Variants in CCDC102B observed in about 807,000 individuals in gnomAD.
The protein encoded by CCDC102B is coiled-coil domain-containing protein 102B.
Under a neutral mutation model 57.4 loss-of-function variants are expected in CCDC102B, and 75 were observed. The observed-to-expected ratio is 1.31, with a 90% CI of 1.08 to 1.58. CCDC102B has a LOEUF of 1.58. Among genes scored for constraint, CCDC102B ranks in the 40% most tolerant of loss-of-function variants. The probability of loss-of-function intolerance (pLI) is 0.00; values close to 1 mark genes in which losing one functional copy is unlikely to be tolerated. For synonymous variants in CCDC102B, 206 were observed against 201.9 expected (o/e 1.02, Z -0.17); for missense variants, 636 against 582.6 (o/e 1.09, Z -0.94).
intron 2 of CCDC102B, among the ~76,000 whole-genome samples, chr18:68,739,197 T>C (rs2033279486): frequency 6.6e-6 from 1 of 152,156 alleles, no homozygotes; most frequent in Non-Finnish European, 1.5e-5. Flanking sequence ...GTTTTCGCTG[T>C]GTTGGCCAGG....
rs532420147 is a variant in CCDC102B at position 69,040,382 on chromosome 18, A to G, written c.1435-13648A>G. ...ATCTATGTAGATTTAGATTAGATGC[A>G]GGGGTGTGTGTGTGTGTGTGTGTGT... On this transcript the variant is annotated intron_variant, in intron 7 of 7. Coordinates refer to ENST00000360242, the MANE Select transcript of CCDC102B (RefSeq NM_024781.3). Among the ~76,000 whole-genome samples the G allele has an allele frequency of 1.6e-4, 21 of 134,194 alleles. No homozygotes were observed. In the South Asian group the frequency reaches 4.5e-3, roughly 29 times the overall value. 88.0% of individuals were successfully genotyped at this position (134,194 alleles called of 152,430 possible).
intron 6 of CCDC102B, among the ~76,000 whole-genome samples, chr18:68,912,814 G>C (rs1204958460): frequency 6.6e-6 from 1 of 152,200 alleles, no homozygotes; most frequent in Admixed American, 6.5e-5. Flanking sequence ...TAAATGCAGA[G>C]TTTGGAATAA....
At chr18:68,970,070 G>T (rs1308514792) in intron 6 of CCDC102B, among the ~76,000 whole-genome samples, 1 of 151,942 alleles carries the variant, frequency 6.6e-6, no homozygotes, top group Non-Finnish European at 1.5e-5. Context: ...AAGAAATTTA[G>T]GTTCTTTTTA....
intron 7 of CCDC102B, among the ~76,000 whole-genome samples, chr18:69,026,018 A>C (rs2145431611): frequency 6.6e-6 from 1 of 152,226 alleles, no homozygotes; most frequent in African/African-American, 2.4e-5. Flanking sequence ...TAGTTCTTGA[A>C]GTTTGTGCAC....
chr18:68,727,115 G>T (rs972938067), intron 2 of CCDC102B, among the ~76,000 whole-genome samples: 3 of 152,176 alleles, frequency 2.0e-5, no homozygotes, highest in African/African-American at 7.2e-5. Flanking sequence ...TCCATTTGAA[G>T]GGAAGCTTGA....
Position 68,874,886 on chromosome 18 carries a change from C to G in CCDC102B, c.1053+101C>G, listed in dbSNP as rs1336390673. The G allele has an allele frequency of 8.3e-6, 6 of 719,836 alleles. No individual in the cohort carries two copies. The East Asian group carries it at 1.6e-4, about 19-fold the overall frequency. The allele number at this position is 719,836 out of a possible 1,614,324, so 44.6% of individuals were successfully genotyped here. A position where few individuals can be genotyped will look rare whatever the true frequency, so the allele number is the denominator to read the frequency against. On this transcript the variant is annotated intron_variant, in intron 5 of 7. Coordinates refer to ENST00000360242, the MANE Select transcript of CCDC102B (RefSeq NM_024781.3). ...AGGGTAACGGTCGTGCCTTTGGTTA[C>G]TTTATGAAAGTGAATGCTGCTGCTA...
rs1439204520 is a variant in CCDC102B at position 69,044,310 on chromosome 18, TG to T, written c.1435-9719del. ...AACAATTAATACAATATTCTCATTT[TG>T]CCACAGTAACTTTGGTTCTTAACCG... On this transcript the variant is annotated intron_variant, in intron 7 of 7. Coordinates refer to ENST00000360242, the MANE Select transcript of CCDC102B (RefSeq NM_024781.3). Among the ~76,000 whole-genome samples, 19 of 152,286 alleles carry T rather than the reference TG, an allele frequency of 1.2e-4. No individual in the cohort carries two copies. The East Asian group carries it at 3.7e-3, about 29-fold the overall frequency.
intron 7 of CCDC102B, among the ~76,000 whole-genome samples, chr18:69,011,524 T>A (rs879827331): frequency 1.3e-5 from 2 of 152,110 alleles, no homozygotes; most frequent in African/African-American, 2.4e-5. Flanking sequence ...TGAATCTAGG[T>A]ACTTCATTTT....
intron 2 of CCDC102B, among the ~76,000 whole-genome samples, chr18:68,719,976 C>A (rs953415291): frequency 1.3e-5 from 2 of 152,014 alleles, no homozygotes; most frequent in Non-Finnish European, 2.9e-5. Context: ...ATAATCATGA[C>A]CAAATTATTA....
intron 1 of CCDC102B, among the ~76,000 whole-genome samples, chr18:68,830,339 C>T (rs777864559): frequency 4.0e-5 from 6 of 151,850 alleles, no homozygotes; most frequent in Non-Finnish European, 8.8e-5. Context: ...CTGCTAAGCA[C>T]ATTCTTATAC....
chr18:69,016,906 A>C (rs529708875), intron 7 of CCDC102B, among the ~76,000 whole-genome samples: 4 of 152,148 alleles, frequency 2.6e-5, no homozygotes, highest in African/African-American at 9.7e-5. Context: ...TATATTAGCA[A>C]TCTTCTTTGG....
intron 6 of CCDC102B, among the ~76,000 whole-genome samples, chr18:68,991,609 C>A (rs1041770178): frequency 1.3e-5 from 2 of 152,130 alleles, no homozygotes; most frequent in Admixed American, 1.3e-4. Context: ...GGTGACTAAC[C>A]ATTAATGCTT....
intron 7 of CCDC102B, among the ~76,000 whole-genome samples, chr18:69,043,271 C>T (rs184465866): frequency 3.3e-4 from 50 of 152,240 alleles, no homozygotes; most frequent in African/African-American, 8.4e-4. Context: ...GTAGATGGAA[C>T]GTACAATTGG....
chr18:68,888,377 A>G (rs148938220), intron 5 of CCDC102B, among the ~76,000 whole-genome samples: 42 of 152,288 alleles, frequency 2.8e-4, no homozygotes, highest in Middle Eastern at 3.4e-3. Context: ...AGAATATACT[A>G]TATTCTGTAT....
chr18:68,966,681 TG>T, intron 6 of CCDC102B, among the ~76,000 whole-genome samples: 1 of 152,114 alleles, frequency 6.6e-6, no homozygotes, highest in East Asian at 1.9e-4. Context: ...AGTGTGGTGT[TG>T]GGGGGCAGGA....
At chr18:68,719,329 C>A (rs921699461) in intron 2 of CCDC102B, among the ~76,000 whole-genome samples, 2 of 152,140 alleles carry the variant, frequency 1.3e-5, no homozygotes, top group Non-Finnish European at 2.9e-5. Flanking sequence ...AAGTCTTAAT[C>A]TTCCATCTGC....
At chr18:69,032,965 A>G (rs571472485) in intron 7 of CCDC102B, among the ~76,000 whole-genome samples, 1 of 152,158 alleles carries the variant, frequency 6.6e-6, no homozygotes, top group African/African-American at 2.4e-5. Context: ...ATAATCATAC[A>G]TTATCTAGAT....
At chr18:68,938,595 T>C (rs2049302930) in intron 6 of CCDC102B, among the ~76,000 whole-genome samples, 1 of 151,846 alleles carries the variant, frequency 6.6e-6, no homozygotes, top group Non-Finnish European at 1.5e-5. Context: ...TTAGTATTCA[T>C]CAATATGAAA....
chr18:68,928,478 C>A (rs1568335702), intron 6 of CCDC102B, among the ~76,000 whole-genome samples: 1 of 151,776 alleles, frequency 6.6e-6, no homozygotes, highest in Non-Finnish European at 1.5e-5. Flanking sequence ...TTGAAAAACA[C>A]TGAGTGCAGG....
Sources: allele counts gnomAD v4.1 joint callset (sites outside exome capture counted in the v4.1 genomes callset), GRCh38; gene constraint gnomAD v4.1.1; transcripts MANE v1.5; gene names NCBI Gene and HGNC (gene_info 2026-07-23, HGNC 2026-07-21).